KAT6A: variants seen among roughly 807,000 people sequenced by gnomAD.
KAT6A encodes histone acetyltransferase KAT6A.
Under a neutral mutation model 198.4 loss-of-function variants are expected in KAT6A, and 9 were observed. That is an observed-to-expected ratio of 0.05 (90% confidence interval 0.03 to 0.08). The LOEUF (loss-of-function observed/expected upper bound fraction) is 0.08. Ranked by LOEUF, KAT6A falls within the 10% of genes least tolerant of loss-of-function variation. KAT6A has a pLI of 1.00. For synonymous variants in KAT6A, 890 were observed against 883.0 expected (o/e 1.01, Z -0.14); for missense variants, 2,077 against 2,509.9 (o/e 0.83, Z 3.69).
At chr8:41,986,653 C>G (rs982770093) in intron 3 of KAT6A, among the ~76,000 whole-genome samples, 3 of 152,104 alleles carry the variant, frequency 2.0e-5, no homozygotes, top group Non-Finnish European at 4.4e-5. Flanking sequence ...ATTCAAATCC[C>G]TCCCTAGTAC....
intron 15 of KAT6A, among the ~76,000 whole-genome samples, chr8:41,939,115 GAT>G (rs1821985274): frequency 6.6e-6 from 1 of 152,106 alleles, no homozygotes; most frequent in African/African-American, 2.4e-5. Flanking sequence ...GGCCAATAAT[GAT>G]ATAAATAAAT....
chr8:41,961,775 T>C (rs1048087876), intron 8 of KAT6A, among the ~76,000 whole-genome samples: 2 of 139,456 alleles, frequency 1.4e-5, no homozygotes, highest in African/African-American at 5.4e-5. Flanking sequence ...AAAAAAAAAG[T>C]ATCTTCTTTA....
In KAT6A at chr8:41,949,263, C is replaced by A; in HGVS notation, c.1699G>T (p.Ala567Ser). ...MKKCGWFHPP[A>S]NEIYRKNNIS... is the part of the protein sequence containing the mutation. The stretch of plus-strand genomic sequence containing the variant: ...TTATTCTTTCTGTAAATCTCATTGG[C>A]AGGAGGATGGAACCAACCACATTTC... The change falls in exon 10 of 17, where the codon GCC (alanine) becomes TCC (serine). Residue 567 changes from alanine (A) to serine (S), a missense_variant. Ala to Ser is a moderately conservative substitution (Grantham distance 99). Transcript: ENST00000265713. 2 of 1,561,658 alleles carry A rather than the reference C, an allele frequency of 1.3e-6. No individual in the cohort carries two copies. The highest frequency in any genetic ancestry group is 2.4e-5 in the East Asian group (1 of 42,222).
intron 5 of KAT6A, among the ~76,000 whole-genome samples, chr8:41,979,738 T>C (rs1824253287): frequency 6.6e-6 from 1 of 152,094 alleles, no homozygotes; most frequent in Admixed American, 6.6e-5. Context: ...CGGTGGCTCA[T>C]GCCTGTAATC....
At chr8:42,006,664 T>C (rs1372848649) in intron 2 of KAT6A, among the ~76,000 whole-genome samples, 2 of 152,152 alleles carry the variant, frequency 1.3e-5, no homozygotes, top group African/African-American at 4.8e-5. Context: ...CTAGCAAGTA[T>C]AATAAATGAA....
intron 8 of KAT6A, among the ~76,000 whole-genome samples, chr8:41,966,935 T>C (rs1179182804): frequency 6.6e-6 from 1 of 152,166 alleles, no homozygotes; most frequent in African/African-American, 2.4e-5. Context: ...ACTGAACTAA[T>C]AGTGTTGGTT....
At chr8:41,984,425 C>T (rs1824506551) in intron 3 of KAT6A, among the ~76,000 whole-genome samples, 2 of 152,170 alleles carry the variant, frequency 1.3e-5, no homozygotes, top group Non-Finnish European at 1.5e-5. Context: ...AAGCCCGTGG[C>T]AGCAGCAACT....
chr8:41,945,844 C>A (rs368782093), intron 12 of KAT6A, among the ~76,000 whole-genome samples: 1 of 151,824 alleles, frequency 6.6e-6, no homozygotes, highest in Non-Finnish European at 1.5e-5. Context: ...CTGGCTAACA[C>A]GGTAAAACCC....
At chr8:42,028,476 C>T (rs538337574) in intron 2 of KAT6A, among the ~76,000 whole-genome samples, 1 of 152,256 alleles carries the variant, frequency 6.6e-6, no homozygotes, top group South Asian at 2.1e-4. Flanking sequence ...CCCTTTATCA[C>T]TATGTAATGA....
rs528284318 is a variant in KAT6A, at chr8:41,979,458, G to A, written c.908-681C>T. Among the ~76,000 whole-genome samples, 10 of 151,770 alleles carry A rather than the reference G, an allele frequency of 6.6e-5. No homozygotes were observed. The East Asian group carries it at 1.9e-3, about 30-fold the overall frequency. The stretch of plus-strand genomic sequence containing the variant: ...GTTTGAGACAAGCCTGGCCAACATG[G>A]TGAAACTGCATCTCTACAAAAAACA... On this transcript the variant is annotated intron_variant, in intron 5 of 16. Transcript: ENST00000265713.
At chr8:42,030,655 C>G (rs1827063158) in intron 2 of KAT6A, among the ~76,000 whole-genome samples, 1 of 151,926 alleles carries the variant, frequency 6.6e-6, no homozygotes, top group Admixed American at 6.6e-5. Flanking sequence ...AACTCTGCCT[C>G]CCAGGTTCCA....
chr8:41,953,969 T>C (rs892029411), intron 9 of KAT6A, among the ~76,000 whole-genome samples: 3 of 152,212 alleles, frequency 2.0e-5, no homozygotes, highest in Non-Finnish European at 2.9e-5. Flanking sequence ...ACATTAATTG[T>C]TGTCAGCTCA....
chr8:42,013,329 C>T (rs2150910121), intron 2 of KAT6A, among the ~76,000 whole-genome samples: 1 of 150,844 alleles, frequency 6.6e-6, no homozygotes, highest in South Asian at 2.1e-4. Flanking sequence ...GATCTTGGCT[C>T]ACTGCAACCT....
intron 12 of KAT6A, among the ~76,000 whole-genome samples, chr8:41,945,138 A>T (rs1385906677): frequency 6.6e-6 from 1 of 152,202 alleles, no homozygotes; most frequent in African/African-American, 2.4e-5. Context: ...CAGATTAAAC[A>T]ATTTTCTCTA....
chr8:41,989,235 A>G (rs1296588597), intron 2 of KAT6A, among the ~76,000 whole-genome samples: 1 of 152,154 alleles, frequency 6.6e-6, no homozygotes, highest in Non-Finnish European at 1.5e-5. Flanking sequence ...GTAGCCGGGC[A>G]CAGTGGCTCA....
At chr8:41,952,209 C>A (rs370647291) in intron 9 of KAT6A, among the ~76,000 whole-genome samples, 3 of 152,236 alleles carry the variant, frequency 2.0e-5, no homozygotes, top group South Asian at 2.1e-4. Flanking sequence ...ACTGGGATGA[C>A]GAGAATAATC....
chr8:41,936,548 A>G (rs1367941712), intron 16 of KAT6A, among the ~76,000 whole-genome samples: 2 of 152,248 alleles, frequency 1.3e-5, no homozygotes, highest in African/African-American at 4.8e-5. Context: ...GGCTAGGGTG[A>G]AAAAGACTTG....
At chr8:42,028,600 T>G (rs1007134102) in intron 2 of KAT6A, among the ~76,000 whole-genome samples, 1 of 152,230 alleles carries the variant, frequency 6.6e-6, no homozygotes, top group African/African-American at 2.4e-5. Flanking sequence ...GTTCCATCCC[T>G]TCACTTTCGG....
chr8:41,978,155 A>C (rs1824158120), intron 6 of KAT6A, among the ~76,000 whole-genome samples: 1 of 152,244 alleles, frequency 6.6e-6, no homozygotes, highest in African/African-American at 2.4e-5. Context: ...CAAAAATGGG[A>C]CTTAGCCATC....
Sources: gnomAD v4.1 joint callset for allele counts (sites outside exome capture counted in the v4.1 genomes callset) on GRCh38, gnomAD v4.1.1 for gene constraint, MANE v1.5 for transcripts, NCBI Gene and HGNC (gene_info 2026-07-23, HGNC 2026-07-21) for gene names.